The following PMS2 variants were observed in gnomAD, a reference collection of about 807,000 sequenced individuals.
The protein encoded by PMS2 is PMS1 homolog 2, mismatch repair system component.
Under a neutral mutation model 90.0 loss-of-function variants are expected in PMS2, and 69 were observed. That is an observed-to-expected ratio of 0.77 (90% CI 0.63 to 0.94). The LOEUF (loss-of-function observed/expected upper bound fraction) is 0.94, where lower values mean the gene tolerates loss of function less well. PMS2 is among the 40% of genes least tolerant of loss of function. PMS2 has a pLI of 0.00. For synonymous variants in PMS2, 332 were observed against 375.1 expected (o/e 0.89, Z 1.33); for missense variants, 966 against 1,040.2 (o/e 0.93, Z 0.98).
Position 5,976,786 on chromosome 7 carries a change from G to A in PMS2, c.2445+802C>T, listed in dbSNP as rs377628616. ...AAAGCTCGGAGATAGAATACTGGCC[G>A]GGCCAGGCACAGTGGCTCATGCCTG... On this transcript the variant is annotated intron_variant, in intron 14 of 14. Transcript: ENST00000265849. Among the ~76,000 whole-genome samples the A allele has an allele frequency of 4.7e-3, 640 of 134,982 alleles. 5 individuals are homozygous for A. In the East Asian group the frequency reaches 0.054, roughly 11 times the overall value. 88.6% of individuals were successfully genotyped at this position (134,982 alleles called of 152,430 possible).
intron 5 of PMS2, among the ~76,000 whole-genome samples, chr7:5,999,542 C>A (rs1371416121): frequency 6.6e-6 from 1 of 152,074 alleles, no homozygotes; most frequent in Admixed American, 6.6e-5. Flanking sequence ...GTAATCCCAG[C>A]TACTCAGGAG....
chr7:5,989,805 A>C lies in PMS2; in HGVS notation c.1139T>G (p.Val380Gly), dbSNP rs748971523. 4 of 1,611,370 alleles carry C rather than the reference A, an allele frequency of 2.5e-6. No homozygotes were observed. In the Admixed American group the frequency reaches 6.7e-5, roughly 27 times the overall value. The part of the protein sequence containing the change: ...LNVSQQPLLD[V>G]EGNLIKMHAA... ...GTACACTGTATTTTTCTTACCTTCA[A>C]CATCCAGCAGTGGCTGCTGACTGAC... The change falls in exon 10 of 15, where the codon GTT becomes GGT. Residue 380 changes from valine to glycine, a missense_variant. Coordinates refer to ENST00000265849, the MANE Select transcript of PMS2 (RefSeq NM_000535.7).
intron 8 of PMS2, among the ~76,000 whole-genome samples, chr7:5,994,762 A>T (rs965370374): frequency 6.6e-6 from 1 of 151,690 alleles, no homozygotes; most frequent in African/African-American, 2.4e-5. Context: ...GGTGACAAAC[A>T]AGACTCCGTC....
Position 5,990,057 on chromosome 7 carries a change from G to C in PMS2, c.989-102C>G, listed in dbSNP as rs1355369643. The C allele has an allele frequency of 8.0e-6, 6 of 749,756 alleles. No individual in the cohort carries two copies. In the Admixed American group the frequency reaches 1.0e-4, roughly 13 times the overall value. 46.4% of individuals were successfully genotyped at this position (749,756 alleles called of 1,614,324 possible). A position where few individuals can be genotyped will look rare whatever the true frequency, so the allele number is the denominator to read the frequency against. On this transcript the variant is annotated intron_variant, in intron 9 of 14. Transcript: ENST00000265849. The stretch of plus-strand genomic sequence containing the variant: ...GCGTCTCACTCTGTCGCCTAGGCTG[G>C]AGTGCAGTGGCGCGATCTCAGCTCA...
At position 5,986,872 on chromosome 7, in the gene PMS2, C is replaced by T. The variant is rs1057524687; in HGVS notation, c.1893G>A (p.Gln631=). 6.2e-7 allele frequency: 1 copy of T among 1,614,062 alleles called. No individual in the cohort carries two copies. The highest frequency in any genetic ancestry group is 8.5e-7 in the Non-Finnish European group (1 of 1,180,004). The change falls in exon 11 of 15, where the codon CAG becomes CAA. Residue 631 remains glutamine, a synonymous_variant. Transcript: ENST00000265849. ...CACTTTGCTGTGCTTCATGATGTAA[C>T]TGCTTTATTCGTTTAGCTAAAGAAC... is the stretch of plus-strand genomic sequence containing the variant. ...SMSSLAKRIK[Q]LHHEAQQSEG...
intron 8 of PMS2, among the ~76,000 whole-genome samples, chr7:5,992,761 T>C (rs1248201266): frequency 6.6e-6 from 1 of 152,214 alleles, no homozygotes; most frequent in Non-Finnish European, 1.5e-5. Flanking sequence ...ATAATGAATA[T>C]ATCCATCACC....
At chr7:5,999,773 G>A (rs376608343) in intron 5 of PMS2, among the ~76,000 whole-genome samples, 29 of 152,208 alleles carry the variant, frequency 1.9e-4, no homozygotes, top group African/African-American at 6.0e-4. Context: ...TCCAGCCTCG[G>A]TGACAGAGTG....
At chr7:6,006,156 T>G in intron 1 of PMS2, 125 bp from the exon 2 acceptor site, 1 of 1,075,088 alleles carries the variant, frequency 9.3e-7, no homozygotes. Context: ...ATTTATTATA[T>G]TAGCAAATAC....
chr7:5,983,667 T>G (rs550120014), intron 11 of PMS2, among the ~76,000 whole-genome samples: 1 of 151,766 alleles, frequency 6.6e-6, no homozygotes, highest in South Asian at 2.1e-4. Context: ...TTTTTTCTTT[T>G]AAGACGGAGT....
rs79167405 is a variant in PMS2 at position 6,000,455 on chromosome 7, T to C, written c.538-1180A>G. Among the ~76,000 whole-genome samples, 1,176 of 151,980 alleles carry C rather than the reference T, an allele frequency of 7.7e-3. 11 individuals carry two copies. The highest frequency in any genetic ancestry group is 0.027 in the African/African-American group (1,131 of 41,458). ...TACTTGCATGTTGTACATTCTATAT[T>C]ACTTGCTTTCATTATATTAACTTAT... On this transcript the variant is annotated intron_variant, in intron 5 of 14. Coordinates refer to ENST00000265849, the MANE Select transcript of PMS2 (RefSeq NM_000535.7).
At chr7:5,980,681 A>G (rs1445860473) in intron 12 of PMS2, among the ~76,000 whole-genome samples, 2 of 105,518 alleles carry the variant, frequency 1.9e-5, no homozygotes, top group Non-Finnish European at 3.9e-5. Flanking sequence ...AATCACTTGA[A>G]CCCGAGAGGC....
intron 6 of PMS2, 111 bp from the exon 7 acceptor site, chr7:5,997,534 A>G (rs1479301170): frequency 1.4e-6 from 1 of 709,082 alleles, no homozygotes; most frequent in Middle Eastern, 2.5e-4. Flanking sequence ...AAAAAAATTA[A>G]AAGAATCTTT....
chr7:5,999,816 C>G (rs1054189501), intron 5 of PMS2, among the ~76,000 whole-genome samples: 7 of 151,980 alleles, frequency 4.6e-5, no homozygotes, highest in African/African-American at 1.2e-4. Flanking sequence ...AATTAAAAAA[C>G]TGAAACGTAC....
intron 9 of PMS2, among the ~76,000 whole-genome samples, chr7:5,991,006 C>T (rs1256633634): frequency 6.6e-6 from 1 of 151,964 alleles, no homozygotes; most frequent in African/African-American, 2.4e-5. Flanking sequence ...CAGAGCAAGA[C>T]TCTGTCTCAA....
intron 5 of PMS2, among the ~76,000 whole-genome samples, chr7:6,000,370 T>A (rs1784960710): frequency 8.6e-6 from 1 of 115,726 alleles, no homozygotes; most frequent in African/African-American, 3.3e-5. Flanking sequence ...CAAGACCCTG[T>A]CTCAATTAAA....
intron 10 of PMS2, among the ~76,000 whole-genome samples, chr7:5,989,397 C>A (rs1783462943): frequency 6.6e-6 from 1 of 152,094 alleles, no homozygotes; most frequent in African/African-American, 2.4e-5. Flanking sequence ...CGCATCATTG[C>A]ACTCCAGCCT....
intron 7 of PMS2, among the ~76,000 whole-genome samples, chr7:5,996,382 C>A (rs1029221085): frequency 1.3e-5 from 2 of 151,650 alleles, no homozygotes; most frequent in Non-Finnish European, 2.9e-5. Flanking sequence ...GGCGAAACCC[C>A]GTCTCCACTA....
intron 10 of PMS2, among the ~76,000 whole-genome samples, chr7:5,988,233 C>G (rs1248823336): frequency 1.3e-5 from 2 of 151,900 alleles, no homozygotes; most frequent in African/African-American, 2.4e-5. Context: ...CTGGGAATAC[C>G]TCCTAAATCT....
intron 6 of PMS2, among the ~76,000 whole-genome samples, chr7:5,998,121 G>A (rs941426042): frequency 3.5e-5 from 5 of 141,942 alleles, no homozygotes; most frequent in Non-Finnish European, 6.0e-5. Flanking sequence ...TTGCTCTCTC[G>A]CCCAGGCTGC....
Sources: allele counts gnomAD v4.1 joint callset (sites outside exome capture counted in the v4.1 genomes callset), GRCh38; gene constraint gnomAD v4.1.1; transcripts MANE v1.5; gene names NCBI Gene and HGNC (gene_info 2026-07-23, HGNC 2026-07-21).